TTC17: variants seen among roughly 807,000 people sequenced by gnomAD.
TTC17 encodes tetratricopeptide repeat protein 17.
TTC17 carries 58 observed loss-of-function variants against 143.8 expected under a neutral mutation model. The ratio of observed to expected loss-of-function variants is 0.40; its 90% CI spans 0.33 to 0.50. The LOEUF is 0.50. TTC17 is among the 20% of genes least tolerant of loss of function. The probability of loss-of-function intolerance (pLI) is 0.49; values close to 1 mark genes in which losing one functional copy is unlikely to be tolerated. For synonymous variants in TTC17, 501 were observed against 497.8 expected (o/e 1.01, Z -0.09); for missense variants, 1,273 against 1,392.5 (o/e 0.91, Z 1.37).
chr11:43,479,603 AGCAAAG>A (rs1157462356), intron 21 of TTC17, among the ~76,000 whole-genome samples: 1 of 152,256 alleles, frequency 6.6e-6, no homozygotes, highest in Non-Finnish European at 1.5e-5. Flanking sequence ...ACTACAAAAT[AGCAAAG>A]GCAAAGGTAT....
chr11:43,406,016 T>A, intron 13 of TTC17, 65 bp downstream of exon 13: 1 of 1,524,734 alleles, frequency 6.6e-7, no homozygotes, highest in Admixed American at 2.2e-5. Context: ...GCCTCTTAAA[T>A]GGAACAAAAA....
In TTC17 at chr11:43,494,204, A is replaced by C; in HGVS notation, c.*300A>C. 4.6e-6 allele frequency: 1 copy of C among 216,718 alleles called. No homozygotes were observed. The highest frequency in any genetic ancestry group is 1.0e-4 in the South Asian group (1 of 9,964). The allele number at this position is 216,718 out of a possible 1,614,324, so 13.4% of individuals were successfully genotyped here. On this transcript the variant is annotated 3_prime_UTR_variant, in exon 24 of 24. Transcript: ENST00000039989. ...TCTGGAGCTGTGCTCTGTCTCCAAA[A>C]ACCTCAATGCCTTTAGGGCTTTTCT... is the stretch of plus-strand genomic sequence containing the variant.
chr11:43,413,236 A>G (rs1315240815), intron 15 of TTC17, among the ~76,000 whole-genome samples: 1 of 152,198 alleles, frequency 6.6e-6, no homozygotes, highest in African/African-American at 2.4e-5. Context: ...AGGAAAAAAC[A>G]TTTTGGTTTT....
At chr11:43,458,984 G>T (rs1320443869) in intron 21 of TTC17, among the ~76,000 whole-genome samples, 1 of 149,978 alleles carries the variant, frequency 6.7e-6, no homozygotes, top group African/African-American at 2.4e-5. Context: ...TTTGTATAAG[G>T]TTCGGTACTA....
Position 43,379,314 on chromosome 11 carries a change from G to T in TTC17, c.241G>T (p.Glu81Ter). 1 of 1,610,802 alleles carries T rather than the reference G, an allele frequency of 6.2e-7. No homozygotes were observed. Among genetic ancestry groups the T allele is most frequent in the Non-Finnish European group, 8.5e-7 (1 of 1,178,794 alleles). Residue 81 changes from glutamate to a stop codon, truncating the protein, a stop_gained, in exon 2 of 24, where the codon GAA becomes TAA. Coordinates refer to ENST00000039989, the MANE Select transcript of TTC17 (RefSeq NM_018259.6). LOFTEE classifies it high-confidence loss of function. ...RQEATVNYLK[E>*]LEKQLVAQKI... ...AGAAGCAACAGTTAACTACCTCAAAGAATTAGAGGTGAGGCAACTGGGCAT... is the reference window on the plus strand; with the variant it reads ...AGAAGCAACAGTTAACTACCTCAAATAATTAGAGGTGAGGCAACTGGGCAT...
At chr11:43,488,747 A>G (rs1948421668) in intron 21 of TTC17, among the ~76,000 whole-genome samples, 1 of 152,164 alleles carries the variant, frequency 6.6e-6, no homozygotes, top group Non-Finnish European at 1.5e-5. Context: ...TGCAGGCTGA[A>G]GTGCACTAAG....
chr11:43,450,358 G>C, intron 20 of TTC17, 117 bp downstream of exon 20: 1 of 1,241,456 alleles, frequency 8.1e-7, no homozygotes, highest in Non-Finnish European at 1.1e-6. Context: ...GCTTTTTTCA[G>C]TTAGGCATCA....
rs1487575238 is a variant in TTC17, at chr11:43,493,790, A to C, written c.3312A>C (p.Ala1104=). 1.2e-6 allele frequency: 2 copies of C among 1,614,070 alleles called. No individual in the cohort carries two copies. The highest frequency in any genetic ancestry group is 3.3e-5 in the Admixed American group (2 of 60,008). ...CCTCACAGGAAGAATTTGAAAAAGC[A>C]CTGGTGTGGTATGAATCCACATTGA... ...VYVAMEEFEK[A]LVWYESTLKL... is the part of the protein sequence containing the mutation. Residue 1104 remains alanine, a synonymous_variant, in exon 24 of 24, where the codon GCA becomes GCC. Coordinates refer to ENST00000039989, the MANE Select transcript of TTC17 (RefSeq NM_018259.6).
chr11:43,401,806 A>G (rs912024302), intron 10 of TTC17, among the ~76,000 whole-genome samples: 6 of 151,802 alleles, frequency 4.0e-5, no homozygotes, highest in Admixed American at 2.6e-4. Context: ...GTGAAACCCC[A>G]TCTCTACAAA....
At chr11:43,462,849 A>G (rs1424813918) in intron 21 of TTC17, among the ~76,000 whole-genome samples, 1 of 152,032 alleles carries the variant, frequency 6.6e-6, no homozygotes, top group Admixed American at 6.6e-5. Flanking sequence ...ATTGTAGCAG[A>G]CCAAAAACAC....
chr11:43,377,986 C>T (rs190023394), intron 1 of TTC17, among the ~76,000 whole-genome samples: 8 of 152,270 alleles, frequency 5.3e-5, no homozygotes, highest in Non-Finnish European at 8.8e-5. Context: ...TCACTGTAGC[C>T]TCTACCTCCC....
intron 2 of TTC17, among the ~76,000 whole-genome samples, chr11:43,387,396 TG>T (rs1306045552): frequency 6.6e-6 from 1 of 152,202 alleles, no homozygotes; most frequent in Non-Finnish European, 1.5e-5. Context: ...CACATTCCAT[TG>T]GCCAAAGCAA....
chr11:43,392,573 G>T (rs1590345597), intron 5 of TTC17, among the ~76,000 whole-genome samples: 1 of 152,152 alleles, frequency 6.6e-6, no homozygotes, highest in East Asian at 1.9e-4. Flanking sequence ...TTTGTATACA[G>T]TTTTTTCAAA....
At chr11:43,491,389 C>CT (rs1761435771) in intron 22 of TTC17, 1 of 152,250 alleles carries the variant, frequency 6.6e-6, no homozygotes, top group African/African-American at 2.4e-5. Flanking sequence ...GGCTGAGGCT[C>CT]TACCTCTGGG....
chr11:43,434,085 C>T (rs1334513081), intron 16 of TTC17, among the ~76,000 whole-genome samples: 1 of 152,100 alleles, frequency 6.6e-6, no homozygotes, highest in African/African-American at 2.4e-5. Context: ...TTAACAACCT[C>T]TGTCCTGTCA....
chr11:43,458,506 A>C (rs1947805592), intron 21 of TTC17, among the ~76,000 whole-genome samples: 1 of 152,170 alleles, frequency 6.6e-6, no homozygotes, highest in Non-Finnish European at 1.5e-5. Flanking sequence ...AGATTCAAGG[A>C]AACAGATAGA....
chr11:43,392,279 A>G (rs909554347), intron 5 of TTC17, among the ~76,000 whole-genome samples: 1 of 152,222 alleles, frequency 6.6e-6, no homozygotes, highest in Non-Finnish European at 1.5e-5. Context: ...TCGTTAATAT[A>G]TCTATACACA....
At chr11:43,493,115 C>T (rs1948501267) in intron 23 of TTC17, among the ~76,000 whole-genome samples, 2 of 152,182 alleles carry the variant, frequency 1.3e-5, no homozygotes, top group South Asian at 4.1e-4. Flanking sequence ...TGAACGAGGA[C>T]TTATGTCTCT....
chr11:43,435,129 A>AGATC (rs1554995317), intron 16 of TTC17: 8 of 147,242 alleles, frequency 5.4e-5, no homozygotes, highest in South Asian at 2.2e-4. Flanking sequence ...ATAGATAGAT[A>AGATC]GATCGGTCTA....
Sources: gnomAD v4.1 joint callset for allele counts (sites outside exome capture counted in the v4.1 genomes callset) on GRCh38, gnomAD v4.1.1 for gene constraint, MANE v1.5 for transcripts, NCBI Gene and HGNC (gene_info 2026-07-23, HGNC 2026-07-21) for gene names.